The following NFIB variants were observed in gnomAD, a reference collection of about 807,000 sequenced individuals.
The protein encoded by NFIB is nuclear factor 1 B-type.
NFIB carries 11 observed loss-of-function variants against 61.5 expected under a neutral mutation model. The ratio of observed to expected loss-of-function variants is 0.18; its 90% CI spans 0.11 to 0.30. The LOEUF is 0.30. Among genes scored for constraint, NFIB ranks in the 10% least tolerant of loss-of-function variants. The probability of loss-of-function intolerance (pLI) is 1.00; values close to 1 mark genes in which losing one functional copy is unlikely to be tolerated. For synonymous variants in NFIB, 260 were observed against 216.5 expected (o/e 1.20, Z -1.76); for missense variants, 471 against 608.9 (o/e 0.77, Z 2.38).
intron 6 of NFIB, among the ~76,000 whole-genome samples, chr9:14,133,635 A>C (rs949283757): frequency 1.3e-5 from 2 of 152,212 alleles, no homozygotes; most frequent in Admixed American, 1.3e-4. Context: ...AAAGCTAAAA[A>C]GACCACAATT....
upstream of NFIB, among the ~76,000 whole-genome samples, chr9:14,402,027 A>T (rs1009212591): frequency 3.9e-5 from 6 of 152,190 alleles, no homozygotes; most frequent in Admixed American, 6.6e-5. Context: ...CAACTTATTT[A>T]AAAAAATTCT....
intron 7 of NFIB, among the ~76,000 whole-genome samples, chr9:14,121,333 G>C (rs1382320234): frequency 6.6e-6 from 1 of 152,146 alleles, no homozygotes; most frequent in Non-Finnish European, 1.5e-5. Flanking sequence ...AAAACACTTT[G>C]TCTCATAAGT....
At chr9:14,287,759 G>C (rs1028610526) in intron 2 of NFIB, among the ~76,000 whole-genome samples, 2 of 151,952 alleles carry the variant, frequency 1.3e-5, no homozygotes, top group African/African-American at 4.8e-5. Flanking sequence ...AATTACCTAT[G>C]AGGAAACACC....
chr9:14,280,771 C>T (rs1020032764), intron 2 of NFIB, among the ~76,000 whole-genome samples: 4 of 151,910 alleles, frequency 2.6e-5, no homozygotes, highest in African/African-American at 7.3e-5. Flanking sequence ...TACTATTTTA[C>T]GAGTAGTAAA....
intron 1 of NFIB, chr9:14,362,052 AG>A (rs1432907939): frequency 6.6e-6 from 1 of 152,246 alleles, no homozygotes; most frequent in African/African-American, 2.4e-5. Context: ...CAGAGGTACT[AG>A]GGCCTCTCTA....
the NFIB span, among the ~76,000 whole-genome samples, chr9:14,475,944 C>T: frequency 1.3e-5 from 2 of 152,100 alleles, no homozygotes; most frequent in East Asian, 1.9e-4. Context: ...ACACTAACTC[C>T]CTGAGTTCCA....
the NFIB span, among the ~76,000 whole-genome samples, chr9:14,522,671 C>G: frequency 6.6e-6 from 1 of 152,192 alleles, no homozygotes; most frequent in Non-Finnish European, 1.5e-5. Flanking sequence ...GCAGTGCATG[C>G]TAGAGCATAT....
chr9:14,170,178 G>C (rs982363829), intron 3 of NFIB, among the ~76,000 whole-genome samples: 3 of 152,176 alleles, frequency 2.0e-5, no homozygotes, highest in Non-Finnish European at 2.9e-5. Context: ...CAAGCCTAGA[G>C]CAAGTCCACT....
intron 1 of NFIB, among the ~76,000 whole-genome samples, chr9:14,360,139 T>C (rs958801341): frequency 4.6e-5 from 7 of 152,220 alleles, no homozygotes; most frequent in Admixed American, 1.3e-4. Flanking sequence ...GGAAAATATA[T>C]AGCAAACAGT....
chr9:14,194,802 A>G (rs750638500), intron 2 of NFIB, among the ~76,000 whole-genome samples: 3 of 152,268 alleles, frequency 2.0e-5, no homozygotes, highest in Non-Finnish European at 2.9e-5. Flanking sequence ...CTCCACCTTC[A>G]ATGTATTTGA....
At chr9:14,401,901 CT>C (rs2061746440), upstream of NFIB, among the ~76,000 whole-genome samples, 1 of 152,124 alleles carries the variant, frequency 6.6e-6, no homozygotes, top group Non-Finnish European at 1.5e-5. Context: ...TTCCCTACAC[CT>C]TTTGCTTATA....
intron 10 of NFIB, among the ~76,000 whole-genome samples, chr9:14,088,830 A>T (rs1466203229): frequency 6.6e-6 from 1 of 152,162 alleles, no homozygotes; most frequent in Non-Finnish European, 1.5e-5. Context: ...ACGGTGAAAG[A>T]TATTTCTTTT....
the NFIB span, among the ~76,000 whole-genome samples, chr9:14,424,630 AT>A: frequency 1.3e-5 from 2 of 152,074 alleles, no homozygotes; most frequent in Non-Finnish European, 2.9e-5. Flanking sequence ...CAAGAGTTTA[AT>A]TTTCTTCCCC....
At chr9:14,379,985 A>AT (rs140976750) in intron 1 of NFIB, among the ~76,000 whole-genome samples, 33,311 of 148,100 alleles carry the variant, frequency 0.22, 3,964 homozygotes, top group Middle Eastern at 0.32. Context: ...ACCCAGTCAG[A>AT]TTTTTTTTTT....
At chr9:14,514,433 A>G in the NFIB span, among the ~76,000 whole-genome samples, 1 of 152,278 alleles carries the variant, frequency 6.6e-6, no homozygotes. Context: ...GATGTTATGG[A>G]ATTACCTAGG....
chr9:14,162,333 T>C (rs2044296756), intron 3 of NFIB, among the ~76,000 whole-genome samples: 1 of 152,126 alleles, frequency 6.6e-6, no homozygotes, highest in Non-Finnish European at 1.5e-5. Flanking sequence ...AGAATGGCTA[T>C]TGAATATTAT....
chr9:14,309,572 A>G (rs2060189273), intron 1 of NFIB, among the ~76,000 whole-genome samples: 2 of 152,244 alleles, frequency 1.3e-5, no homozygotes, highest in African/African-American at 4.8e-5. Flanking sequence ...AAACTAGGCC[A>G]TGGAAAGAGT....
intron 1 of NFIB, among the ~76,000 whole-genome samples, chr9:14,366,251 C>T (rs557167482): frequency 1.4e-4 from 21 of 152,252 alleles, no homozygotes; most frequent in Admixed American, 9.8e-4. Flanking sequence ...CCACCACAGC[C>T]GAGGCCCGTG....
the NFIB span, among the ~76,000 whole-genome samples, chr9:14,406,365 T>C: frequency 6.6e-6 from 1 of 152,146 alleles, no homozygotes; most frequent in Non-Finnish European, 1.5e-5. Context: ...AAGGGATGTG[T>C]TGGGGAGGAG....
Sources: allele counts gnomAD v4.1 joint callset (sites outside exome capture counted in the v4.1 genomes callset), GRCh38; gene constraint gnomAD v4.1.1; transcripts MANE v1.5; gene names NCBI Gene and HGNC (gene_info 2026-07-23, HGNC 2026-07-21).